UBA3: variants seen among roughly 807,000 people sequenced by gnomAD.
UBA3 encodes the protein ubiquitin like modifier activating enzyme 3, also known as NEDD8-activating enzyme E1 catalytic subunit.
In UBA3, 26 loss-of-function variants were observed where a neutral mutation model predicts 73.5. The observed-to-expected ratio is 0.35, with a 90% confidence interval of 0.26 to 0.49. The LOEUF (loss-of-function observed/expected upper bound fraction) is 0.49, where lower values mean the gene tolerates loss of function less well. Ranked by LOEUF, UBA3 falls within the 20% of genes least tolerant of loss-of-function variation. UBA3 has a pLI of 0.98. For synonymous variants in UBA3, 217 were observed against 191.2 expected (o/e 1.13, Z -1.11); for missense variants, 495 against 555.6 (o/e 0.89, Z 1.10).
At chr3:69,058,941 T>A (rs2091999456) in intron 11 of UBA3, among the ~76,000 whole-genome samples, 1 of 152,186 alleles carries the variant, frequency 6.6e-6, no homozygotes, top group Non-Finnish European at 1.5e-5. Flanking sequence ...GAAGGATGGA[T>A]GAGACTACAT....
intron 2 of UBA3, among the ~76,000 whole-genome samples, chr3:69,078,965 G>A (rs1237203554): frequency 6.6e-6 from 1 of 152,106 alleles, no homozygotes. Context: ...GTTTGGTTGT[G>A]ATTATTTTTA....
chr3:69,066,003 G>C (rs2092068106), intron 6 of UBA3, among the ~76,000 whole-genome samples: 1 of 151,728 alleles, frequency 6.6e-6, no homozygotes, highest in Non-Finnish European at 1.5e-5. Flanking sequence ...ATATACTCTA[G>C]ATATGAGTCC....
In UBA3 at chr3:69,075,418, T is replaced by A. The variant is rs758855493; in HGVS notation, c.264+12A>T. ...AGAAAAAAATATTTATATATATATG[T>A]ATATATATTACCAGATTTTTCAGGA... On this transcript the variant is annotated intron_variant, in intron 4 of 17. Coordinates refer to ENST00000361055, the MANE Select transcript of UBA3 (RefSeq NM_003968.4). 1 of 1,374,246 alleles carries A rather than the reference T, an allele frequency of 7.3e-7. No homozygotes were observed. The highest frequency in any genetic ancestry group is 1.4e-5 in the South Asian group (1 of 70,600). The allele number at this position is 1,374,246 out of a possible 1,614,324, so 85.1% of individuals were successfully genotyped here. A position where few individuals can be genotyped will look rare whatever the true frequency, so the allele number is the denominator to read the frequency against.
At chr3:69,080,233 C>CGGGGGGGGGGGG in intron 1 of UBA3, 80 bp from the exon 2 acceptor site, 1 of 557,244 alleles carries the variant, frequency 1.8e-6, no homozygotes, top group Non-Finnish European at 3.1e-6. Context: ...GGGGACGGGG[C>CGGGGGGGGGGGG]GGGGGGTGTG....
At chr3:69,057,558 T>C (rs1276620701) in intron 11 of UBA3, among the ~76,000 whole-genome samples, 1 of 152,152 alleles carries the variant, frequency 6.6e-6, no homozygotes, top group African/African-American at 2.4e-5. Context: ...AACAATAACA[T>C]CATAATAGTT....
intron 3 of UBA3, chr3:69,077,306 A>T (rs1411950696): frequency 2.0e-5 from 3 of 151,918 alleles, no homozygotes; most frequent in Non-Finnish European, 4.4e-5. Flanking sequence ...ACCCTGTAAT[A>T]AAAAAAAGTG....
chr3:69,061,578 G>A (rs2092021402), intron 11 of UBA3: 1 of 393,138 alleles, frequency 2.5e-6, no homozygotes, highest in Non-Finnish European at 4.6e-6. Context: ...AAGAGATGAT[G>A]AATTCAGTGG....
chr3:69,056,237 G>A lies in UBA3; in HGVS notation c.1130C>T (p.Ser377Phe). 1 of 1,604,750 alleles carries A rather than the reference G, an allele frequency of 6.2e-7. No individual in the cohort carries two copies. Among genetic ancestry groups the A allele is most frequent in the Non-Finnish European group, 8.5e-7 (1 of 1,177,376 alleles). Residue 377 changes from serine to phenylalanine, a missense_variant, in exon 15 of 18, where the codon TCT becomes TTT. Coordinates refer to ENST00000361055, the MANE Select transcript of UBA3 (RefSeq NM_003968.4). ...AACCTCCTGTAGTTTAGCTGATGGA[G>A]AAAACTGAATATTTTGAGGAAGCTG... ...CSQLPQNIQFSPSAKLQEVLD... is the reference protein window; with the variant it reads ...CSQLPQNIQFFPSAKLQEVLD...
At chr3:69,078,387 T>C (rs1328858339) in intron 2 of UBA3, among the ~76,000 whole-genome samples, 1 of 152,266 alleles carries the variant, frequency 6.6e-6, no homozygotes, top group Non-Finnish European at 1.5e-5. Context: ...TTAATATTTA[T>C]GTGTCCTTTC....
intron 3 of UBA3, chr3:69,077,298 C>G (rs571677874): frequency 1.3e-5 from 2 of 151,904 alleles, no homozygotes; most frequent in Admixed American, 6.6e-5. Context: ...TTTTCCCTAC[C>G]CTGTAATAAA....
chr3:69,067,634 G>A (rs1433692177), intron 6 of UBA3, among the ~76,000 whole-genome samples: 5 of 152,112 alleles, frequency 3.3e-5, no homozygotes, highest in Admixed American at 3.3e-4. Flanking sequence ...CTCTAGTAAA[G>A]GAGATATGTA....
chr3:69,070,994 CTATATTCCA>C (rs912194939), intron 5 of UBA3: 1 of 153,470 alleles, frequency 6.5e-6, no homozygotes, highest in African/African-American at 2.4e-5. Flanking sequence ...TTGATGTTCT[CTATATTCCA>C]TATATGCCTA....
At chr3:69,076,533 T>C (rs2092168011) in intron 3 of UBA3, 1 of 151,946 alleles carries the variant, frequency 6.6e-6, no homozygotes, top group Non-Finnish European at 1.5e-5. Context: ...CAAAACTCCA[T>C]CTGCGGCAGA....
chr3:69,072,762 T>C (rs1053007956), intron 4 of UBA3, among the ~76,000 whole-genome samples: 1 of 152,212 alleles, frequency 6.6e-6, no homozygotes, highest in African/African-American at 2.4e-5. Context: ...TTGATCACCC[T>C]TGCTCACAAC....
Position 69,077,009 on chromosome 3 carries a change from C to T in UBA3, c.183+789G>A, listed in dbSNP as rs370304907. On this transcript the variant is annotated intron_variant, in intron 3 of 17. Coordinates refer to ENST00000361055, the MANE Select transcript of UBA3 (RefSeq NM_003968.4). ...AAATACAATCATTTAACAGAAGTAACAATCTTAAATTATCAGGCAAAAAAA... is the reference window on the plus strand; with the variant it reads ...AAATACAATCATTTAACAGAAGTAATAATCTTAAATTATCAGGCAAAAAAA... Among the ~76,000 whole-genome samples the T allele has an allele frequency of 4.0e-5, 6 of 149,844 alleles. 1 individual carries two copies. The highest frequency in any genetic ancestry group is 3.9e-4 in the East Asian group (2 of 5,142).
rs1575826579 is a variant in UBA3, at chr3:69,055,434, T to C, written c.*3A>G. 6.7e-7 allele frequency: 1 copy of C among 1,500,774 alleles called. No homozygotes were observed. Among genetic ancestry groups the C allele is most frequent in the East Asian group, 2.6e-5 (1 of 39,084 alleles). The allele number at this position is 1,500,774 out of a possible 1,614,324, so 93.0% of individuals were successfully genotyped here. A position where few individuals can be genotyped will look rare whatever the true frequency, so the allele number is the denominator to read the frequency against. On this transcript the variant is annotated 3_prime_UTR_variant, in exon 18 of 18. Transcript: ENST00000361055. ...TGAGTTTTCTATTATGTGGAGATTT[T>C]CCTTAAGAAGTAAAATGAAGTTTGA...
In UBA3 at chr3:69,067,782, T is replaced by G. The variant is rs2092085960; in HGVS notation, c.428+146A>C. The G allele has an allele frequency of 1.3e-4, 67 of 513,864 alleles. 1 individual carries two copies. The South Asian group carries it at 2.1e-3, about 16-fold the overall frequency. 31.8% of individuals were successfully genotyped at this position (513,864 alleles called of 1,614,324 possible). ...AAGACTGGAAGAATAGATAGCAAAA[T>G]GTTACCAGCAGTTATCTCAGTAATA... On this transcript the variant is annotated intron_variant, in intron 6 of 17. Coordinates refer to ENST00000361055, the MANE Select transcript of UBA3 (RefSeq NM_003968.4).
intron 11 of UBA3, among the ~76,000 whole-genome samples, chr3:69,057,567 T>A (rs2091984874): frequency 6.6e-6 from 1 of 152,166 alleles, no homozygotes; most frequent in African/African-American, 2.4e-5. Flanking sequence ...ATCATAATAG[T>A]TAACAATTTA....
In UBA3 at chr3:69,067,941, A is replaced by T. The variant is rs796784390; in HGVS notation, c.415T>A (p.Cys139Ser). 4.4e-6 allele frequency: 7 copies of T among 1,606,578 alleles called. 1 individual carries two copies. In the African/African-American group the frequency reaches 9.3e-5, roughly 21 times the overall value. Reference protein sequence around the residue: ...AEFLNDRVPNCNVVPHFNKIQ... With the variant: ...AEFLNDRVPNSNVVPHFNKIQ... The stretch of plus-strand genomic sequence containing the variant: ...TCAAAAGGATACGGAACTACATTGC[A>T]ATTAGGAACTCTGTCATTTAGAAAT... Residue 139 changes from cysteine (C) to serine (S), a missense_variant, in exon 6 of 18, where the codon TGC (cysteine) becomes AGC (serine). By Grantham distance (112) the Cys-to-Ser change is moderately radical. Transcript: ENST00000361055.
Sources: allele counts gnomAD v4.1 joint callset (sites outside exome capture counted in the v4.1 genomes callset), GRCh38; gene constraint gnomAD v4.1.1; transcripts MANE v1.5; gene names NCBI Gene and HGNC (gene_info 2026-07-23, HGNC 2026-07-21).